The following IL27RA variants were observed in gnomAD, a reference collection of about 807,000 sequenced individuals.
The protein encoded by IL27RA is interleukin 27 receptor subunit alpha.
IL27RA carries 61 observed loss-of-function variants against 80.8 expected under a neutral mutation model. The observed-to-expected ratio is 0.76, with a 90% CI of 0.61 to 0.93. The LOEUF (loss-of-function observed/expected upper bound fraction) is 0.93. Ranked by LOEUF, IL27RA falls within the 40% of genes least tolerant of loss-of-function variation. The pLI is 0.00. For synonymous variants in IL27RA, 316 were observed against 332.5 expected (o/e 0.95, Z 0.54); for missense variants, 735 against 808.1 (o/e 0.91, Z 1.10).
intron 8 of IL27RA, among the ~76,000 whole-genome samples, chr19:14,047,961 A>ATTTT (rs74427021): frequency 7.7e-6 from 1 of 129,306 alleles, no homozygotes; most frequent in South Asian, 2.4e-4. Flanking sequence ...CGCACCCGGC[A>ATTTT]TTTTTTTTTT....
At chr19:14,042,339 C>T in intron 4 of IL27RA, 114 bp from the exon 5 acceptor site, 1 of 1,148,856 alleles carries the variant, frequency 8.7e-7, no homozygotes, top group Non-Finnish European at 1.2e-6. Flanking sequence ...GCACTCTAGC[C>T]TGGGCCACAA....
In IL27RA at chr19:14,031,967, C is replaced by A; in HGVS notation, c.95C>A (p.Pro32His). ...LLWVLFQRTRPQGSAGPLQCY... is the reference protein window; with the variant it reads ...LLWVLFQRTRHQGSAGPLQCY... Reference sequence around the variant, plus strand: ...TGGGTGCTTTTCCAGCGGACGCGTCCCCAGGGTGAGTGCTGGAGGGAGCTC... The same window carrying A: ...TGGGTGCTTTTCCAGCGGACGCGTCACCAGGGTGAGTGCTGGAGGGAGCTC... The change falls in exon 1 of 14, where the codon CCC becomes CAC. Residue 32 changes from proline (P) to histidine (H), a missense_variant. By Grantham distance (77) the Pro-to-His change is moderately conservative. Coordinates refer to ENST00000263379, the MANE Select transcript of IL27RA (RefSeq NM_004843.4). 1 of 1,609,332 alleles carries A rather than the reference C, an allele frequency of 6.2e-7. No individual in the cohort carries two copies. Among genetic ancestry groups the A allele is most frequent in the Non-Finnish European group, 8.5e-7 (1 of 1,177,836 alleles).
intron 10 of IL27RA, among the ~76,000 whole-genome samples, chr19:14,050,278 G>T (rs1976139472): frequency 6.6e-6 from 1 of 152,140 alleles, no homozygotes; most frequent in East Asian, 1.9e-4. Flanking sequence ...GAGGTGGGCA[G>T]ATCACCTGAG....
intron 1 of IL27RA, 49 bp from the exon 2 acceptor site, chr19:14,032,337 A>AG (rs762953209): frequency 5.0e-6 from 7 of 1,392,884 alleles, no homozygotes; most frequent in East Asian, 2.3e-5. Context: ...TGCAGGCGGA[A>AG]GGGGGGGATT....
chr19:14,031,804 C>G lies in IL27RA; in HGVS notation c.-69C>G, dbSNP rs6511905. The G allele has an allele frequency of 0.28, 381,004 of 1,339,066 alleles. 65,819 individuals carry two copies. The highest frequency in any genetic ancestry group is 0.75 in the African/African-American group (50,810 of 68,078). The allele number at this position is 1,339,066 out of a possible 1,614,324, so 82.9% of individuals were successfully genotyped here. On this transcript the variant is annotated 5_prime_UTR_variant, in exon 1 of 14. Coordinates refer to ENST00000263379, the MANE Select transcript of IL27RA (RefSeq NM_004843.4). ...CGCCTCGGGCGCTGTACCCAGAGCTCGAAGAGGAGCAGCGCGGCCGCGCGG... is the reference window on the plus strand; with the variant it reads ...CGCCTCGGGCGCTGTACCCAGAGCTGGAAGAGGAGCAGCGCGGCCGCGCGG...
At chr19:14,046,067 C>A (rs527899814) in intron 6 of IL27RA, 87 bp from the exon 7 acceptor site, 24 of 1,260,042 alleles carry the variant, frequency 1.9e-5, no homozygotes, top group Non-Finnish European at 2.6e-5. Flanking sequence ...CTTCACTGAC[C>A]GGTGGTTTAT....
chr19:14,048,309 C>T (rs1976102175), intron 8 of IL27RA, among the ~76,000 whole-genome samples: 2 of 152,002 alleles, frequency 1.3e-5, no homozygotes, highest in African/African-American at 2.4e-5. Flanking sequence ...AATTAATGAA[C>T]TTGGAAGAAC....
chr19:14,032,385 G>C lies in IL27RA; in HGVS notation c.101-1G>C. 6.2e-7 allele frequency: 1 copy of C among 1,611,644 alleles called. No homozygotes were observed. The highest frequency in any genetic ancestry group is 1.1e-5 in the South Asian group (1 of 91,016). Reference sequence around the variant, plus strand: ...CTGAGACCCTCTGACTCCCTCTCCAGGCAGCGCCGGGCCACTGCAGTGCTA... The same window carrying C: ...CTGAGACCCTCTGACTCCCTCTCCACGCAGCGCCGGGCCACTGCAGTGCTA... On this transcript the variant is annotated splice_acceptor_variant, in intron 1 of 13. Transcript: ENST00000263379. LOFTEE classifies it high-confidence loss of function.
rs188109921 is a variant in IL27RA, at chr19:14,043,899, T to G, written c.768+1110T>G. Among the ~76,000 whole-genome samples the G allele has an allele frequency of 1.7e-3, 257 of 150,756 alleles. 2 individuals carry two copies. The highest frequency in any genetic ancestry group is 5.5e-3 in the African/African-American group (227 of 41,010). On this transcript the variant is annotated intron_variant, in intron 6 of 13. Coordinates refer to ENST00000263379, the MANE Select transcript of IL27RA (RefSeq NM_004843.4). ...CCCATCTCTACTAAAAATACAAAAA[T>G]TAGCTGGGCCTGGTGGCAGGCACCT...
Position 14,051,865 on chromosome 19 carries a change from C to T in IL27RA, c.1623-15C>T, listed in dbSNP as rs545223300. The T allele has an allele frequency of 2.6e-5, 41 of 1,570,146 alleles. No homozygotes were observed. In the East Asian group the frequency reaches 8.6e-4, roughly 33 times the overall value. ...CCATCTGGATCTGCTGCCCTGACTA[C>T]TCCTGTCTTGCCAGGTGCTACCACC... On this transcript the variant is annotated splice_polypyrimidine_tract_variant and intron_variant, in intron 12 of 13. Transcript: ENST00000263379.
At chr19:14,045,974 G>T (rs558994044) in intron 6 of IL27RA, among the ~76,000 whole-genome samples, 180 bp from the exon 7 acceptor site, 1 of 152,122 alleles carries the variant, frequency 6.6e-6, no homozygotes, top group Non-Finnish European at 1.5e-5. Context: ...GCAGTGAGCC[G>T]AGATCACGCC....
At chr19:14,045,600 CA>C (rs143735821) in intron 6 of IL27RA, among the ~76,000 whole-genome samples, 42,368 of 109,464 alleles carry the variant, frequency 0.39, 6,987 homozygotes, top group African/African-American at 0.56. Context: ...GACTCTGTCT[CA>C]AAAAAAAAAA....
intron 4 of IL27RA, among the ~76,000 whole-genome samples, chr19:14,040,857 G>C (rs907607884): frequency 2.0e-5 from 3 of 150,082 alleles, no homozygotes; most frequent in Non-Finnish European, 4.4e-5. Flanking sequence ...GAAGAGTTCA[G>C]AATTGTGATT....
chr19:14,043,708 G>A (rs1362923922), intron 6 of IL27RA, among the ~76,000 whole-genome samples: 4 of 151,712 alleles, frequency 2.6e-5, no homozygotes. Flanking sequence ...ACAGGCGGGA[G>A]CCACCGCGCC....
chr19:14,040,092 G>A (rs1196943295), intron 4 of IL27RA, among the ~76,000 whole-genome samples, 182 bp downstream of exon 4: 8 of 152,246 alleles, frequency 5.3e-5, no homozygotes, highest in African/African-American at 1.7e-4. Context: ...GGCTGGGCAC[G>A]GTGGTTCACG....
intron 4 of IL27RA, among the ~76,000 whole-genome samples, chr19:14,041,398 C>T (rs1975987416): frequency 6.8e-6 from 1 of 146,876 alleles, no homozygotes; most frequent in Non-Finnish European, 1.5e-5. Context: ...GATGGGGTTT[C>T]GCTATTTGGC....
chr19:14,033,345 C>T (rs1020806053), intron 2 of IL27RA, among the ~76,000 whole-genome samples: 9 of 151,010 alleles, frequency 6.0e-5, no homozygotes, highest in Admixed American at 5.3e-4. Context: ...GTGATCCACC[C>T]GCCTCAGCCT....
intron 2 of IL27RA, among the ~76,000 whole-genome samples, chr19:14,035,426 G>A (rs1473153769): frequency 1.3e-5 from 2 of 150,132 alleles, no homozygotes; most frequent in African/African-American, 2.5e-5. Context: ...ATGGAGTTTC[G>A]CTCTTGTTGC....
intron 2 of IL27RA, among the ~76,000 whole-genome samples, chr19:14,036,590 G>A (rs1483205596): frequency 6.7e-6 from 1 of 149,808 alleles, no homozygotes; most frequent in Admixed American, 6.7e-5. Context: ...CCCGGTCCAA[G>A]CGATTCTCGT....
Sources: allele counts gnomAD v4.1 joint callset (sites outside exome capture counted in the v4.1 genomes callset), GRCh38; gene constraint gnomAD v4.1.1; transcripts MANE v1.5; gene names NCBI Gene and HGNC (gene_info 2026-07-23, HGNC 2026-07-21).